SLCO1B1: variants seen among roughly 807,000 people sequenced by gnomAD.
The protein encoded by SLCO1B1 is OATP-2.
In SLCO1B1, 81 loss-of-function variants were observed where a neutral mutation model predicts 70.1. That is an observed-to-expected ratio of 1.16 (90% CI 0.97 to 1.39). The LOEUF (loss-of-function observed/expected upper bound fraction) is 1.39, where lower values mean the gene tolerates loss of function less well. SLCO1B1 is among the 40% of genes most tolerant of loss of function. SLCO1B1 has a pLI of 0.00. For missense variants in SLCO1B1, 895 were observed against 799.6 expected (o/e 1.12, Z -1.44); for synonymous variants, 283 against 271.5 (o/e 1.04, Z -0.42).
chr12:21,179,080 C>T (rs1365953252), intron 7 of SLCO1B1, 60 bp downstream of exon 7: 21 of 1,044,552 alleles, frequency 2.0e-5, no homozygotes, highest in Non-Finnish European at 2.9e-5. Flanking sequence ...ATGCGAAAAA[C>T]ATTTTTTCAA....
At chr12:21,143,787 G>A (rs1244197049) in intron 2 of SLCO1B1, among the ~76,000 whole-genome samples, 1 of 152,014 alleles carries the variant, frequency 6.6e-6, no homozygotes. Flanking sequence ...TATAAGTGGT[G>A]TCTTTAATAA....
intron 2 of SLCO1B1, among the ~76,000 whole-genome samples, chr12:21,151,170 G>T (rs1185679173): frequency 6.6e-6 from 1 of 152,086 alleles, no homozygotes; most frequent in Non-Finnish European, 1.5e-5. Context: ...AGTGATATTG[G>T]TGTATCTAAA....
At chr12:21,194,013 G>T (rs113945383) in intron 7 of SLCO1B1, among the ~76,000 whole-genome samples, 1 of 152,052 alleles carries the variant, frequency 6.6e-6, no homozygotes, top group Non-Finnish European at 1.5e-5. Flanking sequence ...GGTTGGTCTC[G>T]ATCTCCTGAC....
At position 21,224,800 on chromosome 12, in the gene SLCO1B1, C is replaced by A; in HGVS notation, c.1826C>A (p.Thr609Lys). The stretch of plus-strand genomic sequence containing the variant: ...AAGTGGTCCACCAACAACTGTGGCA[C>A]ACGTGGGTCATGTAGGACATATAAT... The part of the protein sequence containing the change: ...CIKWSTNNCG[T>K]RGSCRTYNST... Residue 609 changes from threonine to lysine, a missense_variant, in exon 14 of 15, where the codon ACA becomes AAA. Thr to Lys is a moderately conservative substitution (Grantham distance 78). Coordinates refer to ENST00000256958, the MANE Select transcript of SLCO1B1 (RefSeq NM_006446.5). 6.2e-7 allele frequency: 1 copy of A among 1,609,664 alleles called. No homozygotes were observed. Among genetic ancestry groups the A allele is most frequent in the Non-Finnish European group, 8.5e-7 (1 of 1,177,004 alleles).
chr12:21,179,556 A>G (rs562064813), intron 7 of SLCO1B1, among the ~76,000 whole-genome samples: 1 of 152,316 alleles, frequency 6.6e-6, no homozygotes, highest in South Asian at 2.1e-4. Context: ...AATAAAATCT[A>G]TGATTTTCTT....
At chr12:21,210,607 G>T (rs1187548962) in intron 11 of SLCO1B1, among the ~76,000 whole-genome samples, 1 of 149,910 alleles carries the variant, frequency 6.7e-6, no homozygotes, top group Non-Finnish European at 1.5e-5. Context: ...AAAGTCATTG[G>T]TAGCTTGATG....
At chr12:21,132,083 G>C (rs912921180) in intron 1 of SLCO1B1, among the ~76,000 whole-genome samples, 12 of 151,948 alleles carry the variant, frequency 7.9e-5, no homozygotes, top group Non-Finnish European at 1.5e-4. Flanking sequence ...GAGAACATGC[G>C]GTGTTTGGTT....
intron 4 of SLCO1B1, among the ~76,000 whole-genome samples, chr12:21,175,237 A>G (rs1251925787): frequency 1.3e-5 from 2 of 152,172 alleles, no homozygotes; most frequent in African/African-American, 4.8e-5. Flanking sequence ...TCATAGTGCT[A>G]TGCCTTGCAT....
chr12:21,213,226 C>T lies in SLCO1B1; in HGVS notation c.1498-3893C>T, dbSNP rs567894484. ...ACCAGTTGTTCCTTTCCATGTTTAG[C>T]GCTTCCTTCAGGAGCTCTTGTAGGG... On this transcript the variant is annotated intron_variant, in intron 11 of 14. Transcript: ENST00000256958. Among the ~76,000 whole-genome samples, 151 of 152,104 alleles carry T rather than the reference C, an allele frequency of 9.9e-4. 1 individual carries two copies. Among genetic ancestry groups the T allele is most frequent in the Admixed American group, 9.1e-3 (139 of 15,268 alleles).
intron 1 of SLCO1B1, among the ~76,000 whole-genome samples, chr12:21,140,441 T>C (rs1382759708): frequency 6.6e-6 from 1 of 152,084 alleles, no homozygotes; most frequent in Non-Finnish European, 1.5e-5. Context: ...TACTAGTCTT[T>C]AAAGTAGGAC....
intron 1 of SLCO1B1, among the ~76,000 whole-genome samples, chr12:21,131,802 GC>G (rs1358008275): frequency 2.6e-5 from 4 of 151,924 alleles, no homozygotes; most frequent in African/African-American, 7.2e-5. Context: ...AATTAAATAA[GC>G]AAAAAGTCTT....
At chr12:21,210,887 T>C (rs537766155) in intron 11 of SLCO1B1, among the ~76,000 whole-genome samples, 35 of 152,182 alleles carry the variant, frequency 2.3e-4, no homozygotes, top group South Asian at 6.2e-4. Flanking sequence ...ATAGGAATGC[T>C]TGTGATTTTT....
At chr12:21,175,122 A>G (rs763257650) in intron 4 of SLCO1B1, among the ~76,000 whole-genome samples, 7 of 152,160 alleles carry the variant, frequency 4.6e-5, no homozygotes, top group Non-Finnish European at 1.0e-4. Flanking sequence ...TTACAGTCAG[A>G]TGCTCCTGAG....
At chr12:21,161,527 G>A (rs911010568) in intron 2 of SLCO1B1, among the ~76,000 whole-genome samples, 1 of 152,068 alleles carries the variant, frequency 6.6e-6, no homozygotes. Context: ...AGGGTGGAGG[G>A]TGGGAAGAGA....
chr12:21,179,140 G>A (rs1940862543), intron 7 of SLCO1B1, 120 bp downstream of exon 7: 4 of 690,644 alleles, frequency 5.8e-6, no homozygotes, highest in South Asian at 4.7e-5. Flanking sequence ...TAATTAGAAA[G>A]TTACAAGTAG....
chr12:21,231,403 A>G (rs1019877804), intron 14 of SLCO1B1, among the ~76,000 whole-genome samples: 1 of 134,952 alleles, frequency 7.4e-6, no homozygotes, highest in East Asian at 2.5e-4. Context: ...TCCTCCTTCA[A>G]TGCCTGGGGT....
chr12:21,179,038 A>AGGTCTCT lies in SLCO1B1; in HGVS notation c.727+18_727+19insGGTCTCT. The AGGTCTCT allele has an allele frequency of 6.8e-7, 1 of 1,478,140 alleles. No homozygotes were observed. Among genetic ancestry groups the AGGTCTCT allele is most frequent in the Non-Finnish European group, 9.5e-7 (1 of 1,056,832 alleles). The allele number at this position is 1,478,140 out of a possible 1,614,324, so 91.6% of individuals were successfully genotyped here. On this transcript the variant is annotated intron_variant, in intron 7 of 14. Transcript: ENST00000256958. Reference sequence around the variant, plus strand: ...AGATCTAAGTAAGTACAACCAGAACAAGGTACCATGATAACGTCTTTCTAA... The same window carrying AGGTCTCT: ...AGATCTAAGTAAGTACAACCAGAACAGGTCTCTAGGTACCATGATAACGTCTTTCTAA...
intron 14 of SLCO1B1, among the ~76,000 whole-genome samples, chr12:21,230,696 A>G (rs993345717): frequency 9.2e-5 from 14 of 152,238 alleles, no homozygotes; most frequent in African/African-American, 3.4e-4. Context: ...CTAGCCTCAC[A>G]GAATGAAATA....
At chr12:21,152,350 C>A (rs1940482089) in intron 2 of SLCO1B1, among the ~76,000 whole-genome samples, 1 of 151,800 alleles carries the variant, frequency 6.6e-6, no homozygotes, top group African/African-American at 2.4e-5. Context: ...ATAAATCCAA[C>A]ATCCTTTCTG....
Sources: allele counts gnomAD v4.1 joint callset (sites outside exome capture counted in the v4.1 genomes callset), GRCh38; gene constraint gnomAD v4.1.1; transcripts MANE v1.5; gene names NCBI Gene and HGNC (gene_info 2026-07-23, HGNC 2026-07-21).